The following THSD7A variants were observed in gnomAD, a reference collection of about 807,000 sequenced individuals.
THSD7A encodes thrombospondin type-1 domain-containing protein 7A.
Under a neutral mutation model 231.3 loss-of-function variants are expected in THSD7A, and 96 were observed. The observed-to-expected ratio is 0.41, with a 90% CI of 0.35 to 0.49. THSD7A has a LOEUF of 0.49. Among genes scored for constraint, THSD7A ranks in the 20% least tolerant of loss-of-function variants. The pLI is 0.05. For synonymous variants in THSD7A, 940 were observed against 743.3 expected, an observed-to-expected ratio of 1.26 and a Z score of -4.30; for missense variants, 2,290 against 2,070.2, an observed-to-expected ratio of 1.11 and a Z score of -2.06.
chr7:11,520,263 T>C (rs984799383), intron 6 of THSD7A: 1 of 152,202 alleles, frequency 6.6e-6, no homozygotes, highest in African/African-American at 2.4e-5. Context: ...CTTAATCTCA[T>C]GATGCTAGTT....
intron 23 of THSD7A, among the ~76,000 whole-genome samples, chr7:11,386,235 A>C (rs1782738547): frequency 1.3e-5 from 2 of 152,232 alleles, no homozygotes; most frequent in African/African-American, 4.8e-5. Flanking sequence ...TATACCCAGT[A>C]ATGGGATTGC....
chr7:11,612,274 C>T (rs538807416), intron 2 of THSD7A, among the ~76,000 whole-genome samples: 4 of 152,210 alleles, frequency 2.6e-5, no homozygotes, highest in Non-Finnish European at 4.4e-5. Flanking sequence ...CGACTGACAC[C>T]ACCACCACCA....
intron 14 of THSD7A, among the ~76,000 whole-genome samples, chr7:11,427,970 T>C (rs1784372362): frequency 6.6e-6 from 1 of 152,180 alleles, no homozygotes; most frequent in South Asian, 2.1e-4. Context: ...TTATAGAATT[T>C]AATTCTTCAC....
intron 6 of THSD7A, among the ~76,000 whole-genome samples, chr7:11,516,110 CTTTAT>C (rs139869490): frequency 0.046 from 6,982 of 152,112 alleles, 190 homozygotes; most frequent in South Asian, 0.07. Flanking sequence ...TTGTGTGCAT[CTTTAT>C]TTTAAGTTGT....
intron 16 of THSD7A, among the ~76,000 whole-genome samples, chr7:11,423,197 A>G (rs1784207357): frequency 6.6e-6 from 1 of 152,154 alleles, no homozygotes; most frequent in South Asian, 2.1e-4. Context: ...AAAACTTTTT[A>G]TTAGACATAA....
chr7:11,375,750 A>C lies in THSD7A; in HGVS notation c.*44T>G. The C allele has an allele frequency of 6.5e-7, 1 of 1,531,458 alleles. No individual in the cohort carries two copies. Among genetic ancestry groups the C allele is most frequent in the Non-Finnish European group, 9.0e-7 (1 of 1,107,438 alleles). The allele number at this position is 1,531,458 out of a possible 1,614,324, so 94.9% of individuals were successfully genotyped here. A position where few individuals can be genotyped will look rare whatever the true frequency, so the allele number is the denominator to read the frequency against. On this transcript the variant is annotated 3_prime_UTR_variant, in exon 28 of 28. Coordinates refer to ENST00000423059, the MANE Select transcript of THSD7A (RefSeq NM_015204.3). ...TTGTTGTGGCCTCTGGACATCTATGAAGTCAGAAAGCCGAAACTGGTTGTT... is the reference window on the plus strand; with the variant it reads ...TTGTTGTGGCCTCTGGACATCTATGCAGTCAGAAAGCCGAAACTGGTTGTT...
intron 14 of THSD7A, among the ~76,000 whole-genome samples, chr7:11,428,588 A>G (rs1485379508): frequency 6.6e-6 from 1 of 152,170 alleles, no homozygotes; most frequent in Non-Finnish European, 1.5e-5. Context: ...GGTAATTGAG[A>G]TGTCTTTTCT....
At chr7:11,425,787 A>G (rs1468246) in intron 15 of THSD7A, among the ~76,000 whole-genome samples, 67,101 of 150,936 alleles carry the variant, frequency 0.44, 15,687 homozygotes, top group African/African-American at 0.59. Flanking sequence ...GACAGAGAGC[A>G]AGAGAGAGAG....
At chr7:11,467,982 C>G (rs1785776684) in intron 9 of THSD7A, among the ~76,000 whole-genome samples, 1 of 151,774 alleles carries the variant, frequency 6.6e-6, no homozygotes, top group Admixed American at 6.6e-5. Context: ...ATTTTCTGTT[C>G]TTTTTTAAAC....
rs1223562408 is a variant in THSD7A, at chr7:11,375,465, C to T, written c.*329G>A. ...ACACTGCAGACGGTCTTGTATCAGG[C>T]ATCCTAACTGGCCAATTCCACCATT... On this transcript the variant is annotated 3_prime_UTR_variant, in exon 28 of 28. Transcript: ENST00000423059. The T allele has an allele frequency of 1.5e-5, 3 of 200,982 alleles. No individual in the cohort carries two copies. Among genetic ancestry groups the T allele is most frequent in the East Asian group, 1.2e-4 (1 of 8,600 alleles). 12.4% of individuals were successfully genotyped at this position (200,982 alleles called of 1,614,324 possible).
chr7:11,395,824 C>T (rs1326669555), intron 23 of THSD7A, among the ~76,000 whole-genome samples: 1 of 152,036 alleles, frequency 6.6e-6, no homozygotes, highest in Non-Finnish European at 1.5e-5. Context: ...CCGTGCCCGG[C>T]CCAGAATATA....
chr7:11,430,045 C>T (rs1263830721), intron 13 of THSD7A, among the ~76,000 whole-genome samples: 1 of 152,152 alleles, frequency 6.6e-6, no homozygotes, highest in Non-Finnish European at 1.5e-5. Context: ...GAATGAAACG[C>T]ACGGTTGTCC....
At chr7:11,585,441 G>C (rs1791360147) in intron 4 of THSD7A, among the ~76,000 whole-genome samples, 1 of 152,096 alleles carries the variant, frequency 6.6e-6, no homozygotes, top group Non-Finnish European at 1.5e-5. Context: ...ATAGGTTCTT[G>C]GAAGCCTTGA....
chr7:11,568,987 A>G (rs1444918017), intron 4 of THSD7A, among the ~76,000 whole-genome samples: 4 of 17,420 alleles, frequency 2.3e-4, no homozygotes, highest in Non-Finnish European at 4.1e-4. Flanking sequence ...CAATAGCTAC[A>G]AAAAAAAAAA....
intron 2 of THSD7A, among the ~76,000 whole-genome samples, chr7:11,596,005 C>G (rs1332541774): frequency 6.6e-6 from 1 of 152,186 alleles, no homozygotes. Flanking sequence ...TTTATATAGG[C>G]AGAAAACTTC....
chr7:11,615,985 G>C (rs983706281), intron 2 of THSD7A, among the ~76,000 whole-genome samples: 1 of 152,092 alleles, frequency 6.6e-6, no homozygotes, highest in Non-Finnish European at 1.5e-5. Context: ...ACTGTGTACA[G>C]AGTAAGATTC....
intron 1 of THSD7A, among the ~76,000 whole-genome samples, chr7:11,761,021 T>G (rs185595060): frequency 3.3e-4 from 50 of 150,232 alleles, no homozygotes; most frequent in African/African-American, 1.1e-3. Context: ...AACATATTGC[T>G]AAGATGCTGA....
Position 11,831,950 on chromosome 7 carries a change from G to A in THSD7A, c.-4C>T. On this transcript the variant is annotated 5_prime_UTR_variant, in exon 1 of 28. Transcript: ENST00000423059. The surrounding 1 kb of genome is among the most constrained non-coding windows in gnomAD (Gnocchi z 5.0). ...AGCGCCTGGCTTGCAGCCCCATGCCGCCTGCAGCCACTCCAGGGTCCAGAG... is the reference window on the plus strand; with the variant it reads ...AGCGCCTGGCTTGCAGCCCCATGCCACCTGCAGCCACTCCAGGGTCCAGAG... 8.1e-7 allele frequency: 1 copy of A among 1,230,340 alleles called. No homozygotes were observed. Among genetic ancestry groups the A allele is most frequent in the Non-Finnish European group, 1.0e-6 (1 of 988,762 alleles). 76.2% of individuals were successfully genotyped at this position (1,230,340 alleles called of 1,614,324 possible).
At chr7:11,754,613 C>T (rs6460840) in intron 1 of THSD7A, among the ~76,000 whole-genome samples, 121,641 of 152,070 alleles carry the variant, frequency 0.8, 49,164 homozygotes, top group African/African-American at 0.94. Flanking sequence ...GCAATTATTC[C>T]TGCCTCACAG....
Sources: allele counts gnomAD v4.1 joint callset (sites outside exome capture counted in the v4.1 genomes callset), GRCh38; gene constraint gnomAD v4.1.1; non-coding constraint Gnocchi (gnomAD v3.1); transcripts MANE v1.5; gene names NCBI Gene and HGNC (gene_info 2026-07-23, HGNC 2026-07-21).